Variants in KTN1 observed in about 807,000 individuals in gnomAD.
KTN1 encodes kinectin 1.
KTN1 carries 130 observed loss-of-function variants against 222.5 expected under a neutral mutation model. The observed-to-expected ratio is 0.58, with a 90% CI of 0.51 to 0.68. KTN1 has a LOEUF of 0.68. Among genes scored for constraint, KTN1 ranks in the 30% least tolerant of loss-of-function variants. The pLI is 0.00. For missense variants in KTN1, 1,508 were observed against 1,500.4 expected, an observed-to-expected ratio of 1.01 and a Z score of -0.08; for synonymous variants, 512 against 496.3, an observed-to-expected ratio of 1.03 and a Z score of -0.42.
At position 55,611,981 on chromosome 14, in the gene KTN1, C is replaced by CGTTT. The variant is rs561308316; in HGVS notation, c.-30-38_-30-37insGTTT. On this transcript the variant is annotated intron_variant, in intron 1 of 43. Transcript: ENST00000395314. ...TTAATTTTTATGAGACTGACAGGTTCTTTTTTTTTTTTTGTCCCCACCTTC... is the reference window on the plus strand; with the variant it reads ...TTAATTTTTATGAGACTGACAGGTTCGTTTTTTTTTTTTTTTTGTCCCCACCTTC... 1.0e-4 allele frequency: 77 copies of CGTTT among 768,888 alleles called. 1 individual carries two copies. Among genetic ancestry groups the CGTTT allele is most frequent in the South Asian group, 1.7e-4 (4 of 24,172 alleles). The allele number at this position is 768,888 out of a possible 1,614,324, so 47.6% of individuals were successfully genotyped here.
chr14:55,596,674 G>T (rs2035089159), intron 1 of KTN1, among the ~76,000 whole-genome samples: 3 of 152,190 alleles, frequency 2.0e-5, no homozygotes, highest in Admixed American at 6.5e-5. Context: ...CCAACTTTCA[G>T]TTGGTGAAAT....
chr14:55,589,626 T>C (rs1228096643), intron 1 of KTN1, among the ~76,000 whole-genome samples: 1 of 151,428 alleles, frequency 6.6e-6, no homozygotes, highest in Non-Finnish European at 1.5e-5. Flanking sequence ...TCTTTAATTA[T>C]TATTCTTGGT....
chr14:55,607,231 A>C (rs924348529), intron 1 of KTN1: 1 of 152,226 alleles, frequency 6.6e-6, no homozygotes, highest in African/African-American at 2.4e-5. Context: ...AATGTAAGTT[A>C]TAGGAGAGCG....
At chr14:55,650,495 T>C (rs1327353218) in intron 23 of KTN1, 74 bp from the exon 24 acceptor site, 1 of 1,510,336 alleles carries the variant, frequency 6.6e-7, no homozygotes, top group Non-Finnish European at 9.2e-7. Flanking sequence ...TCGTGTGTTT[T>C]TGTCTGTGCA....
chr14:55,630,777 C>G (rs891319603), intron 7 of KTN1, among the ~76,000 whole-genome samples: 1 of 152,286 alleles, frequency 6.6e-6, no homozygotes, highest in Admixed American at 6.5e-5. Flanking sequence ...AAATTTTCAC[C>G]TTGGTAGCAG....
At chr14:55,614,266 G>T (rs1484216553) in intron 2 of KTN1, among the ~76,000 whole-genome samples, 1 of 152,170 alleles carries the variant, frequency 6.6e-6, no homozygotes, top group African/African-American at 2.4e-5. Flanking sequence ...GGCAGAGCTA[G>T]CAAGAACAGA....
rs1367061083 is a variant in KTN1 at position 55,639,999 on chromosome 14, T to C, written c.1910T>C (p.Leu637Pro). ...CGTTTAACAAGTAAAGAAGAGGAAC[T>C]TAAGGTATAGTAATTTGTATAAATG... is the stretch of plus-strand genomic sequence containing the variant. ...RDRLTSKEEELKDIQNMNFLL... is the reference protein window; with the variant it reads ...RDRLTSKEEEPKDIQNMNFLL... The change falls in exon 14 of 44, where the codon CTT becomes CCT. Residue 637 changes from leucine to proline, a missense_variant. By Grantham distance (98) the Leu-to-Pro change is moderately conservative. Transcript: ENST00000395314. 1 of 1,573,472 alleles carries C rather than the reference T, an allele frequency of 6.4e-7. No individual in the cohort carries two copies. Among genetic ancestry groups the C allele is most frequent in the Non-Finnish European group, 8.7e-7 (1 of 1,144,454 alleles).
At chr14:55,595,733 T>G (rs1343771297) in intron 1 of KTN1, among the ~76,000 whole-genome samples, 1 of 152,252 alleles carries the variant, frequency 6.6e-6, no homozygotes, top group Non-Finnish European at 1.5e-5. Context: ...CAATCTTGTC[T>G]CCAAGGATAG....
chr14:55,652,393 C>CTTTTTTTTT (rs769501863), intron 25 of KTN1, among the ~76,000 whole-genome samples: 2 of 117,424 alleles, frequency 1.7e-5, no homozygotes, highest in Non-Finnish European at 1.7e-5. Context: ...TCTTAAATGC[C>CTTTTTTTTT]TTTTTTTTTT....
rs186128143 is a variant in KTN1 at position 55,622,791 on chromosome 14, A to T, written c.963+3479A>T. Among the ~76,000 whole-genome samples the T allele has an allele frequency of 9.2e-5, 14 of 152,298 alleles. No individual in the cohort carries two copies. In the South Asian group the frequency reaches 2.5e-3, roughly 27 times the overall value. ...ATAACTGTAAAGTGACCTTTAAGAGATAAATTGTTATATTACTGCTTTAAA... is the reference window on the plus strand; with the variant it reads ...ATAACTGTAAAGTGACCTTTAAGAGTTAAATTGTTATATTACTGCTTTAAA... On this transcript the variant is annotated intron_variant, in intron 5 of 43. Coordinates refer to ENST00000395314, the MANE Select transcript of KTN1 (RefSeq NM_001079521.2).
At chr14:55,604,572 T>C (rs985944454) in intron 1 of KTN1, among the ~76,000 whole-genome samples, 4 of 152,196 alleles carry the variant, frequency 2.6e-5, no homozygotes, top group Non-Finnish European at 5.9e-5. Context: ...TTGCTACTTG[T>C]TACCCTTTCA....
chr14:55,672,660 G>T lies in KTN1; in HGVS notation c.3562G>T (p.Glu1188Ter), dbSNP rs1443502832. 6.2e-7 allele frequency: 1 copy of T among 1,607,680 alleles called. No individual in the cohort carries two copies. The highest frequency in any genetic ancestry group is 1.7e-5 in the Admixed American group (1 of 59,888). Residue 1188 changes from glutamate to a stop codon, truncating the protein, a stop_gained, in exon 38 of 44, where the codon GAG (glutamate) becomes TAG (stop). Coordinates refer to ENST00000395314, the MANE Select transcript of KTN1 (RefSeq NM_001079521.2). LOFTEE classifies it high-confidence loss of function. ...MQSSFTSSEQ[E>*]LERLRSENKD... is the part of the protein sequence containing the mutation. The stretch of plus-strand genomic sequence containing the variant: ...GTCATCATTTACATCTTCAGAACAA[G>T]AGCTAGAGCGATTAAGAAGCGAAAA...
intron 1 of KTN1, among the ~76,000 whole-genome samples, chr14:55,602,511 A>C (rs928381538): frequency 1.3e-5 from 2 of 152,236 alleles, no homozygotes; most frequent in African/African-American, 4.8e-5. Flanking sequence ...TGGAAGATTA[A>C]AGTGAGTGCA....
At position 55,658,529 on chromosome 14, in the gene KTN1, A is replaced by C; in HGVS notation, c.2893-17A>C. 1 of 1,449,034 alleles carries C rather than the reference A, an allele frequency of 6.9e-7. No homozygotes were observed. Among genetic ancestry groups the C allele is most frequent in the Non-Finnish European group, 9.7e-7 (1 of 1,032,866 alleles). 89.8% of individuals were successfully genotyped at this position (1,449,034 alleles called of 1,614,324 possible). A position where few individuals can be genotyped will look rare whatever the true frequency, so the allele number is the denominator to read the frequency against. On this transcript the variant is annotated splice_polypyrimidine_tract_variant and intron_variant, in intron 29 of 43. Transcript: ENST00000395314. Reference sequence around the variant, plus strand: ...AAAATCTGTTTAGATACTGATGTTTAATTTTTATTTAATTAGGATGTACAA... The same window carrying C: ...AAAATCTGTTTAGATACTGATGTTTCATTTTTATTTAATTAGGATGTACAA...
intron 29 of KTN1, among the ~76,000 whole-genome samples, chr14:55,658,100 GGACATTTGTCAATATCTGAA>G (rs2043698995): frequency 6.6e-6 from 1 of 151,986 alleles, no homozygotes. Context: ...TTCCCCAGGG[GGACATTTGTCAATATCTGAA>G]GACATTTTTG....
intron 1 of KTN1, among the ~76,000 whole-genome samples, chr14:55,590,548 C>A (rs1008992122): frequency 1.3e-5 from 2 of 151,944 alleles, no homozygotes; most frequent in African/African-American, 4.8e-5. Flanking sequence ...CTTTGCTTTT[C>A]TTTTAGTTTT....
chr14:55,585,556 A>C (rs2032816207), intron 1 of KTN1, among the ~76,000 whole-genome samples: 1 of 152,176 alleles, frequency 6.6e-6, no homozygotes, highest in African/African-American at 2.4e-5. Flanking sequence ...GTTTCTTTAA[A>C]GTGGAATGAA....
chr14:55,618,487 A>C (rs1444053032), intron 4 of KTN1, among the ~76,000 whole-genome samples: 2 of 152,124 alleles, frequency 1.3e-5, no homozygotes, highest in African/African-American at 4.8e-5. Context: ...GAAAGTTCAG[A>C]GTTCCCACAT....
At position 55,646,239 on chromosome 14, in the gene KTN1, T is replaced by C. The variant is rs1432821574; in HGVS notation, c.2173-734T>C. On this transcript the variant is annotated intron_variant, in intron 18 of 43. Transcript: ENST00000395314. ...TTGCTTTTGCAATTTACAATCAGTT[T>C]TAAAACATTTTATATCTTGATCTGG... Among the ~76,000 whole-genome samples the C allele has an allele frequency of 2.0e-5, 3 of 152,186 alleles. No homozygotes were observed. The East Asian group carries it at 5.8e-4, about 29-fold the overall frequency.
Sources: allele counts gnomAD v4.1 joint callset (sites outside exome capture counted in the v4.1 genomes callset), GRCh38; gene constraint gnomAD v4.1.1; transcripts MANE v1.5; gene names NCBI Gene and HGNC (gene_info 2026-07-23, HGNC 2026-07-21).